Variants in SGCD observed in about 807,000 individuals in gnomAD.
SGCD encodes delta-sarcoglycan.
In SGCD, 18 loss-of-function variants were observed where a neutral mutation model predicts 36.6. The observed-to-expected ratio is 0.49, with a 90% CI of 0.34 to 0.73. The LOEUF (loss-of-function observed/expected upper bound fraction) is 0.73. SGCD is among the 30% of genes least tolerant of loss of function. The pLI, the probability that SGCD is intolerant of heterozygous loss-of-function variation, is 0.01. For synonymous variants in SGCD, 133 were observed against 130.6 expected (o/e 1.02, Z -0.12); for missense variants, 387 against 346.7 (o/e 1.12, Z -0.92).
At chr5:156,736,431 G>A (rs1284528130) in intron 7 of SGCD, among the ~76,000 whole-genome samples, 5 of 152,168 alleles carry the variant, frequency 3.3e-5, no homozygotes, top group Non-Finnish European at 7.3e-5. Context: ...TAGGGATATT[G>A]TATATGGTAC....
intron 3 of SGCD, among the ~76,000 whole-genome samples, chr5:156,164,098 A>T (rs1581139999): frequency 6.6e-6 from 1 of 151,384 alleles, no homozygotes; most frequent in Admixed American, 6.6e-5. Context: ...GAATGGCAGG[A>T]AAGCTAATAC....
At chr5:155,834,834 C>CT in the SGCD span, among the ~76,000 whole-genome samples, 6,362 of 135,508 alleles carry the variant, frequency 0.047, 208 homozygotes, top group Middle Eastern at 0.12. Flanking sequence ...TGAATGTAAT[C>CT]TTTTTTTTTT....
At chr5:156,147,889 G>C (rs930816827) in intron 3 of SGCD, among the ~76,000 whole-genome samples, 2 of 152,038 alleles carry the variant, frequency 1.3e-5, no homozygotes, top group Non-Finnish European at 2.9e-5. Flanking sequence ...TTAGATCTTT[G>C]GTAAACTTTT....
At chr5:155,963,881 A>AT (rs1757845517) in intron 1 of SGCD, among the ~76,000 whole-genome samples, 1 of 152,120 alleles carries the variant, frequency 6.6e-6, no homozygotes, top group Non-Finnish European at 1.5e-5. Context: ...ATCACCTGAA[A>AT]TTGAAGCATC....
intron 1 of SGCD, among the ~76,000 whole-genome samples, chr5:156,100,807 G>A (rs1761500667): frequency 6.6e-6 from 1 of 152,138 alleles, no homozygotes; most frequent in Admixed American, 6.5e-5. Context: ...TTTCAAAGTG[G>A]TGTATACACT....
intron 1 of SGCD, among the ~76,000 whole-genome samples, chr5:156,016,977 A>G (rs1317813580): frequency 6.6e-6 from 1 of 152,174 alleles, no homozygotes; most frequent in African/African-American, 2.4e-5. Flanking sequence ...ACTCATGTGC[A>G]TATTCTCTTC....
chr5:156,695,112 T>TTG (rs370137233), intron 7 of SGCD, among the ~76,000 whole-genome samples: 282 of 129,022 alleles, frequency 2.2e-3, no homozygotes, highest in South Asian at 4.7e-3. Flanking sequence ...GGTACTGTGT[T>TTG]TGTGTGTGTG....
intron 6 of SGCD, among the ~76,000 whole-genome samples, chr5:156,596,674 C>G (rs931650729): frequency 6.6e-6 from 1 of 152,120 alleles, no homozygotes; most frequent in African/African-American, 2.4e-5. Flanking sequence ...CTCTTCCTCT[C>G]TCAGTACACA....
chr5:156,185,277 C>G (rs1279959017), intron 3 of SGCD, among the ~76,000 whole-genome samples: 1 of 144,490 alleles, frequency 6.9e-6, no homozygotes, highest in Non-Finnish European at 1.5e-5. Context: ...TGCAGTGGCA[C>G]AATCTCGGCT....
chr5:156,068,783 T>C (rs1561703923), intron 1 of SGCD, among the ~76,000 whole-genome samples: 1 of 151,760 alleles, frequency 6.6e-6, no homozygotes, highest in Non-Finnish European at 1.5e-5. Context: ...CTCCAGCACC[T>C]GTTGTTTCCT....
chr5:156,762,029 C>CATCT lies in SGCD; in HGVS notation c.*2640_*2643dup, dbSNP rs1257632717. On this transcript the variant is annotated 3_prime_UTR_variant, in exon 9 of 9. Coordinates refer to ENST00000337851, the MANE Select transcript of SGCD (RefSeq NM_000337.6). Reference sequence around the variant, plus strand: ...TATGCATTATAAGTTTCTCAATGTACATCTTTTTATCCCAACACCCTCAAA... The same window carrying CATCT: ...TATGCATTATAAGTTTCTCAATGTACATCTATCTTTTTATCCCAACACCCTCAAA... 2 of 152,500 alleles carry CATCT rather than the reference C, an allele frequency of 1.3e-5. No individual in the cohort carries two copies. The highest frequency in any genetic ancestry group is 2.9e-5 in the Non-Finnish European group (2 of 68,022). 9.4% of individuals were successfully genotyped at this position (152,500 alleles called of 1,614,324 possible). A position where few individuals can be genotyped will look rare whatever the true frequency, so the allele number is the denominator to read the frequency against.
At chr5:155,753,561 C>G in the SGCD span, among the ~76,000 whole-genome samples, 13 of 151,806 alleles carry the variant, frequency 8.6e-5, no homozygotes, top group Non-Finnish European at 1.5e-4. Context: ...TTTTTTCTGT[C>G]ATTGCAATGT....
At chr5:155,991,248 A>C (rs977146264) in intron 1 of SGCD, among the ~76,000 whole-genome samples, 1 of 152,218 alleles carries the variant, frequency 6.6e-6, no homozygotes, top group African/African-American at 2.4e-5. Flanking sequence ...TCATGGGTGC[A>C]CACACACAAG....
chr5:156,376,900 G>A (rs1004632940), intron 3 of SGCD, among the ~76,000 whole-genome samples: 2 of 152,028 alleles, frequency 1.3e-5, no homozygotes, highest in Admixed American at 1.3e-4. Flanking sequence ...CAGGAAGTTT[G>A]TGTCTGTTGA....
At chr5:156,679,959 T>C (rs530040060) in intron 7 of SGCD, among the ~76,000 whole-genome samples, 1 of 152,298 alleles carries the variant, frequency 6.6e-6, no homozygotes, top group African/African-American at 2.4e-5. Context: ...ATTCCTTCCC[T>C]AAGAGAAATT....
chr5:155,889,316 G>T (rs1756073388), intron 1 of SGCD, among the ~76,000 whole-genome samples: 1 of 151,954 alleles, frequency 6.6e-6, no homozygotes. Context: ...AATCTTTGTA[G>T]GCTTGGGCTT....
At chr5:156,071,578 G>A (rs1404492830) in intron 1 of SGCD, among the ~76,000 whole-genome samples, 1 of 152,162 alleles carries the variant, frequency 6.6e-6, no homozygotes, top group East Asian at 1.9e-4. Context: ...GAATAGGTGT[G>A]GTGTGTTGCT....
chr5:156,645,630 A>G (rs1763197012), intron 6 of SGCD, among the ~76,000 whole-genome samples: 1 of 152,136 alleles, frequency 6.6e-6, no homozygotes. Flanking sequence ...GTTTTAGAAC[A>G]GAAAGATTAG....
At chr5:156,526,336 G>T (rs1475807965) in intron 4 of SGCD, among the ~76,000 whole-genome samples, 2 of 152,146 alleles carry the variant, frequency 1.3e-5, no homozygotes, top group Non-Finnish European at 2.9e-5. Flanking sequence ...TAAATTAGTT[G>T]CAAGGAGCAA....
Sources: gnomAD v4.1 joint callset for allele counts (sites outside exome capture counted in the v4.1 genomes callset) on GRCh38, gnomAD v4.1.1 for gene constraint, MANE v1.5 for transcripts, NCBI Gene and HGNC (gene_info 2026-07-23, HGNC 2026-07-21) for gene names.